The following TTC7B variants were observed in gnomAD, a reference collection of about 807,000 sequenced individuals.
The protein encoded by TTC7B is tetratricopeptide repeat domain 7B.
In TTC7B, 28 loss-of-function variants were observed where a neutral mutation model predicts 106.8. That is an observed-to-expected ratio of 0.26 (90% CI 0.19 to 0.36). The LOEUF (loss-of-function observed/expected upper bound fraction) is 0.36, where lower values mean the gene tolerates loss of function less well. Among genes scored for constraint, TTC7B ranks in the 10% least tolerant of loss-of-function variants. TTC7B has a pLI of 1.00. For synonymous variants in TTC7B, 405 were observed against 430.6 expected (o/e 0.94, Z 0.74); for missense variants, 862 against 1,076.4 (o/e 0.80, Z 2.79).
chr14:90,763,266 AAAAT>A (rs1391294828), intron 3 of TTC7B, among the ~76,000 whole-genome samples: 1 of 152,260 alleles, frequency 6.6e-6, no homozygotes, highest in African/African-American at 2.4e-5. Context: ...CAATATTTAA[AAAAT>A]AAAGCACAAA....
chr14:90,732,548 T>G (rs990202313), intron 4 of TTC7B, among the ~76,000 whole-genome samples: 1 of 152,172 alleles, frequency 6.6e-6, no homozygotes, highest in Non-Finnish European at 1.5e-5. Context: ...CGGCTAATTC[T>G]TGTATTTTTT....
In TTC7B at chr14:90,657,368, G is replaced by A. The variant is rs1885993767; in HGVS notation, c.1237-90C>T. Reference sequence around the variant, plus strand: ...TCTCAGAGGGGTTTTTGGTCAGGGTGACCTCCTCGTGGGCTTGTCCAACTT... The same window carrying A: ...TCTCAGAGGGGTTTTTGGTCAGGGTAACCTCCTCGTGGGCTTGTCCAACTT... On this transcript the variant is annotated intron_variant, in intron 10 of 19. Transcript: ENST00000328459. This position sits in a 1 kb window ranked among gnomAD's most constrained non-coding sequence, Gnocchi z 4.2. The A allele has an allele frequency of 7.8e-7, 1 of 1,284,802 alleles. No homozygotes were observed. Among genetic ancestry groups the A allele is most frequent in the Non-Finnish European group, 1.1e-6 (1 of 923,418 alleles). The allele number at this position is 1,284,802 out of a possible 1,614,324, so 79.6% of individuals were successfully genotyped here. A position where few individuals can be genotyped will look rare whatever the true frequency, so the allele number is the denominator to read the frequency against.
At position 90,657,928 on chromosome 14, in the gene TTC7B, T is replaced by G; in HGVS notation, c.1236+376A>C. On this transcript the variant is annotated intron_variant, in intron 10 of 19. Transcript: ENST00000328459. The surrounding 1 kb of genome is among the most constrained non-coding windows in gnomAD (Gnocchi z 4.2). ...CCTCAGCCCACATTTTCATCCAGTA[T>G]CATGCACTGCCTAATATAACACATT... The G allele has an allele frequency of 4.1e-6, 1 of 245,810 alleles. No individual in the cohort carries two copies. Among genetic ancestry groups the G allele is most frequent in the South Asian group, 5.0e-5 (1 of 20,120 alleles). 15.2% of individuals were successfully genotyped at this position (245,810 alleles called of 1,614,324 possible).
intron 19 of TTC7B, among the ~76,000 whole-genome samples, chr14:90,571,837 C>T (rs4900048): frequency 0.13 from 20,324 of 152,174 alleles, 1,808 homozygotes; most frequent in East Asian, 0.31. Flanking sequence ...TGTGCCAATG[C>T]GTGAGCCTGT....
intron 19 of TTC7B, among the ~76,000 whole-genome samples, chr14:90,557,154 G>C (rs1890348442): frequency 6.6e-6 from 1 of 152,210 alleles, no homozygotes; most frequent in African/African-American, 2.4e-5. Flanking sequence ...CCTGTCCTCA[G>C]GTGGGGTGGG....
intron 5 of TTC7B, among the ~76,000 whole-genome samples, chr14:90,723,833 T>A (rs1244837175): frequency 6.6e-6 from 1 of 152,236 alleles, no homozygotes; most frequent in Non-Finnish European, 1.5e-5. Context: ...GAGCCTGGAC[T>A]ATGTCTCTTA....
At chr14:90,756,573 T>G (rs1165558793) in intron 3 of TTC7B, among the ~76,000 whole-genome samples, 1 of 152,010 alleles carries the variant, frequency 6.6e-6, no homozygotes, top group East Asian at 1.9e-4. Flanking sequence ...TTTTGTATTT[T>G]TAGTAGAAAC....
intron 4 of TTC7B, among the ~76,000 whole-genome samples, chr14:90,743,177 A>G (rs1489310183): frequency 1.3e-5 from 2 of 152,208 alleles, no homozygotes; most frequent in Non-Finnish European, 1.5e-5. Flanking sequence ...CAAGACAGAC[A>G]TGTATCTTCC....
chr14:90,550,713 C>A (rs1301802232), intron 19 of TTC7B, among the ~76,000 whole-genome samples: 1 of 152,162 alleles, frequency 6.6e-6, no homozygotes, highest in Non-Finnish European at 1.5e-5. Context: ...ACCTCCATCT[C>A]CCTCTTTAAC....
chr14:90,678,894 C>T (rs1886940775), intron 8 of TTC7B, among the ~76,000 whole-genome samples: 1 of 152,186 alleles, frequency 6.6e-6, no homozygotes, highest in Non-Finnish European at 1.5e-5. Flanking sequence ...CTAAAATGTA[C>T]AGTCATCATG....
At chr14:90,699,819 C>T (rs184941933) in intron 5 of TTC7B, among the ~76,000 whole-genome samples, 1 of 152,328 alleles carries the variant, frequency 6.6e-6, no homozygotes, top group East Asian at 1.9e-4. Flanking sequence ...TCCCTGAGGA[C>T]ACACTGTTGA....
At chr14:90,617,699 T>C (rs1261707141) in intron 16 of TTC7B, among the ~76,000 whole-genome samples, 3 of 152,206 alleles carry the variant, frequency 2.0e-5, no homozygotes, top group African/African-American at 7.2e-5. Flanking sequence ...TGGGTCACTA[T>C]GGCAGTGAAA....
At position 90,532,293 on chromosome 14, in the gene TTC7B, A is replaced by C. The variant is rs528282816; in HGVS notation, c.*9075T>G. On this transcript the variant is annotated 3_prime_UTR_variant, in exon 20 of 20. Transcript: ENST00000328459. ...CCTTTGGACAACATATTAAAGAAAG[A>C]AACTCTGGAGATAATTTAAAGTTGA... 1 of 152,380 alleles carries C rather than the reference A, an allele frequency of 6.6e-6. No individual in the cohort carries two copies. The highest frequency in any genetic ancestry group is 2.1e-4 in the South Asian group (1 of 4,828). The allele number at this position is 152,380 out of a possible 1,614,324, so 9.4% of individuals were successfully genotyped here. A position where few individuals can be genotyped will look rare whatever the true frequency, so the allele number is the denominator to read the frequency against.
At chr14:90,750,139 G>A (rs931805822) in intron 3 of TTC7B, among the ~76,000 whole-genome samples, 33 of 152,256 alleles carry the variant, frequency 2.2e-4, no homozygotes, top group South Asian at 1.0e-3. Flanking sequence ...AAAGCAAATC[G>A]CAGATTTGGA....
chr14:90,585,879 G>A (rs1891689242), intron 18 of TTC7B: 1 of 152,292 alleles, frequency 6.6e-6, no homozygotes, highest in African/African-American at 2.4e-5. Context: ...ACTAAATCCA[G>A]TCTCGTTACC....
intron 5 of TTC7B, among the ~76,000 whole-genome samples, chr14:90,712,839 T>A (rs1396742672): frequency 1.3e-5 from 2 of 152,128 alleles, no homozygotes; most frequent in Admixed American, 6.6e-5. Context: ...AGAACTAAGT[T>A]GGAGGACTTA....
At chr14:90,764,445 A>G (rs1439804669) in intron 3 of TTC7B, among the ~76,000 whole-genome samples, 1 of 152,124 alleles carries the variant, frequency 6.6e-6, no homozygotes, top group Non-Finnish European at 1.5e-5. Context: ...AAATAATAAA[A>G]GAAAAAAAAA....
intron 3 of TTC7B, among the ~76,000 whole-genome samples, chr14:90,748,781 G>T (rs1170730856): frequency 1.3e-5 from 2 of 151,848 alleles, no homozygotes; most frequent in Non-Finnish European, 2.9e-5. Context: ...TATTATTTTT[G>T]TTTAGTCATT....
At chr14:90,691,914 C>A (rs57558672) in intron 6 of TTC7B, among the ~76,000 whole-genome samples, 2,709 of 152,230 alleles carry the variant, frequency 0.018, 87 homozygotes, top group African/African-American at 0.061. Flanking sequence ...TGCTTTCTGG[C>A]TCCATGGATT....
Sources: gnomAD v4.1 joint callset for allele counts (sites outside exome capture counted in the v4.1 genomes callset) on GRCh38, gnomAD v4.1.1 for gene constraint, Gnocchi (gnomAD v3.1) non-coding constraint, MANE v1.5 for transcripts, NCBI Gene and HGNC (gene_info 2026-07-23, HGNC 2026-07-21) for gene names.